SKAP1: variants seen among roughly 807,000 people sequenced by gnomAD.
The protein encoded by SKAP1 is src kinase associated phosphoprotein 1.
In SKAP1, 44 loss-of-function variants were observed where a neutral mutation model predicts 58.5. The ratio of observed to expected loss-of-function variants is 0.75; its 90% CI spans 0.59 to 0.97. The LOEUF is 0.97. SKAP1 is among the 50% of genes least tolerant of loss of function. The pLI, the probability that SKAP1 is intolerant of heterozygous loss-of-function variation, is 0.00. For synonymous variants in SKAP1, 127 were observed against 149.7 expected, an observed-to-expected ratio of 0.85 and a Z score of 1.11; for missense variants, 390 against 435.2, an observed-to-expected ratio of 0.90 and a Z score of 0.92.
intron 11 of SKAP1, among the ~76,000 whole-genome samples, chr17:48,146,196 A>C (rs1220388779): frequency 6.6e-6 from 1 of 152,180 alleles, no homozygotes; most frequent in African/African-American, 2.4e-5. Flanking sequence ...CTTTTAAAAA[A>C]TACAATGAAG....
At chr17:48,416,659 T>C (rs2067734757) in intron 1 of SKAP1, among the ~76,000 whole-genome samples, 4 of 152,248 alleles carry the variant, frequency 2.6e-5, no homozygotes, top group African/African-American at 9.6e-5. Context: ...CTGAGTATTC[T>C]ATACATTTAA....
chr17:48,162,700 T>G (rs1242345241), intron 10 of SKAP1, 131 bp from the exon 11 acceptor site: 1 of 624,850 alleles, frequency 1.6e-6, no homozygotes, highest in Non-Finnish European at 2.8e-6. Context: ...GGAGTTGAGA[T>G]GAGATACAGC....
intron 2 of SKAP1, among the ~76,000 whole-genome samples, chr17:48,380,589 T>C (rs372761567): frequency 6.6e-6 from 1 of 152,214 alleles, no homozygotes; most frequent in Admixed American, 6.5e-5. Context: ...TAGAAATCTA[T>C]ATATTTTAAC....
At chr17:48,161,257 G>A (rs1177549288) in intron 11 of SKAP1, among the ~76,000 whole-genome samples, 3 of 152,144 alleles carry the variant, frequency 2.0e-5, no homozygotes, top group Non-Finnish European at 4.4e-5. Context: ...ATAAAAAAAA[G>A]AAGAAAGATA....
intron 4 of SKAP1, among the ~76,000 whole-genome samples, chr17:48,260,245 C>T (rs1312304641): frequency 6.6e-6 from 1 of 152,084 alleles, no homozygotes; most frequent in Admixed American, 6.6e-5. Context: ...AAATTTAAAA[C>T]TAGTAACTTA....
At chr17:48,179,546 T>G (rs1336466198) in intron 9 of SKAP1, among the ~76,000 whole-genome samples, 1 of 152,234 alleles carries the variant, frequency 6.6e-6, no homozygotes, top group Non-Finnish European at 1.5e-5. Context: ...TCATGGTATA[T>G]CTGAACTAGG....
At chr17:48,211,916 A>C (rs1007192795) in intron 4 of SKAP1, among the ~76,000 whole-genome samples, 1 of 151,862 alleles carries the variant, frequency 6.6e-6, no homozygotes, top group Non-Finnish European at 1.5e-5. Context: ...TACCTGCTTA[A>C]GGACACTTGT....
At chr17:48,188,023 T>C in intron 5 of SKAP1, 97 bp from the exon 6 acceptor site, 1 of 879,726 alleles carries the variant, frequency 1.1e-6, no homozygotes, top group South Asian at 1.5e-5. Flanking sequence ...TGTTATTGTT[T>C]TATTTCCCAG....
At chr17:48,370,610 T>C (rs902166667) in intron 2 of SKAP1, among the ~76,000 whole-genome samples, 6 of 152,122 alleles carry the variant, frequency 3.9e-5, no homozygotes, top group Non-Finnish European at 7.4e-5. Context: ...ATGGTTATTA[T>C]TAAGAAGTCA....
At position 48,425,243 on chromosome 17, in the gene SKAP1, G is replaced by A. The variant is rs149027732; in HGVS notation, c.46+4832C>T. On this transcript the variant is annotated intron_variant, in intron 1 of 12. Coordinates refer to ENST00000336915, the MANE Select transcript of SKAP1 (RefSeq NM_003726.4). Reference sequence around the variant, plus strand: ...ACTGCACTCCAGCCTGGGCAACAGAGTGAGACTCCATCTCAAAAAGAAACG... The same window carrying A: ...ACTGCACTCCAGCCTGGGCAACAGAATGAGACTCCATCTCAAAAAGAAACG... Among the ~76,000 whole-genome samples the A allele has an allele frequency of 4.6e-3, 693 of 152,212 alleles. 10 individuals are homozygous for A. The highest frequency in any genetic ancestry group is 0.016 in the African/African-American group (650 of 41,522).
At chr17:48,145,419 G>GGA (rs1567791318) in intron 11 of SKAP1, among the ~76,000 whole-genome samples, 5 of 146,916 alleles carry the variant, frequency 3.4e-5, no homozygotes, top group African/African-American at 1.2e-4. Flanking sequence ...CATCAACAAG[G>GGA]AAAAAAAAAA....
intron 4 of SKAP1, among the ~76,000 whole-genome samples, chr17:48,251,184 T>A (rs2065359014): frequency 6.6e-6 from 1 of 152,242 alleles, no homozygotes; most frequent in African/African-American, 2.4e-5. Flanking sequence ...ATCCTGACTG[T>A]CTTTACGAGA....
At chr17:48,204,975 T>TTCTTTTCTTTC (rs1341196350) in intron 4 of SKAP1, among the ~76,000 whole-genome samples, 1 of 39,454 alleles carries the variant, frequency 2.5e-5, no homozygotes, top group African/African-American at 1.4e-4. Flanking sequence ...TTCTTTTCTT[T>TTCTTTTCTTTC]TCTTTCTTTC....
chr17:48,414,684 C>G (rs1189246045), intron 1 of SKAP1, among the ~76,000 whole-genome samples: 4 of 152,016 alleles, frequency 2.6e-5, no homozygotes, highest in Non-Finnish European at 5.9e-5. Context: ...GAAAAGCAAA[C>G]AGGAAAAGAT....
chr17:48,284,173 T>C (rs1012427248), intron 4 of SKAP1, among the ~76,000 whole-genome samples: 5 of 152,366 alleles, frequency 3.3e-5, no homozygotes, highest in South Asian at 4.1e-4. Flanking sequence ...ACTCCATTTA[T>C]GGCAAACATT....
intron 1 of SKAP1, among the ~76,000 whole-genome samples, chr17:48,397,325 A>C (rs1029181094): frequency 1.3e-5 from 2 of 152,190 alleles, no homozygotes; most frequent in African/African-American, 4.8e-5. Flanking sequence ...TCCCAAGTTC[A>C]AGTGATTCTC....
At chr17:48,154,286 C>G (rs2063942791) in intron 11 of SKAP1, among the ~76,000 whole-genome samples, 1 of 152,228 alleles carries the variant, frequency 6.6e-6, no homozygotes, top group Admixed American at 6.5e-5. Context: ...AAAGTCCATT[C>G]TTCTCCACAT....
chr17:48,287,184 G>A (rs2065841995), intron 4 of SKAP1, among the ~76,000 whole-genome samples: 2 of 151,788 alleles, frequency 1.3e-5, no homozygotes, highest in Admixed American at 6.6e-5. Context: ...AAGTTATTTG[G>A]CAAATTGTGC....
At chr17:48,207,883 G>T (rs1278199494) in intron 4 of SKAP1, among the ~76,000 whole-genome samples, 1 of 152,200 alleles carries the variant, frequency 6.6e-6, no homozygotes, top group Non-Finnish European at 1.5e-5. Flanking sequence ...AACCTTCCAC[G>T]TGGGAGGTTT....
Sources: gnomAD v4.1 joint callset for allele counts (sites outside exome capture counted in the v4.1 genomes callset) on GRCh38, gnomAD v4.1.1 for gene constraint, MANE v1.5 for transcripts, NCBI Gene and HGNC (gene_info 2026-07-23, HGNC 2026-07-21) for gene names.